The following GRID2 variants were observed in gnomAD, a reference collection of about 807,000 sequenced individuals.
GRID2 encodes the protein glutamate receptor ionotropic, delta-2.
A neutral mutation model predicts 114.8 loss-of-function variants in GRID2; 33 were observed. That is an observed-to-expected ratio of 0.29 (90% confidence interval 0.22 to 0.38). The LOEUF is 0.38. GRID2 is among the 10% of genes least tolerant of loss of function. GRID2 has a pLI of 1.00. For synonymous variants in GRID2, 505 were observed against 449.9 expected, an observed-to-expected ratio of 1.12 and a Z score of -1.55; for missense variants, 1,184 against 1,257.7, an observed-to-expected ratio of 0.94 and a Z score of 0.89.
intron 13 of GRID2, among the ~76,000 whole-genome samples, chr4:93,594,355 T>G (rs1218857181): frequency 6.6e-6 from 1 of 152,214 alleles, no homozygotes; most frequent in Non-Finnish European, 1.5e-5. Context: ...TGCCTCCCAG[T>G]TAGGCTGCTC....
At chr4:93,324,764 G>A (rs1757641166) in intron 8 of GRID2, among the ~76,000 whole-genome samples, 2 of 152,022 alleles carry the variant, frequency 1.3e-5, no homozygotes, top group Non-Finnish European at 2.9e-5. Flanking sequence ...TTTAGTCTTG[G>A]GAGGGTGTAT....
At chr4:93,084,559 T>C (rs1730164344) in intron 2 of GRID2, among the ~76,000 whole-genome samples, 2 of 152,236 alleles carry the variant, frequency 1.3e-5, no homozygotes, top group East Asian at 1.9e-4. Context: ...TTACATATTA[T>C]CTACTTTTTG....
At chr4:92,829,852 T>G (rs1009467004) in intron 2 of GRID2, among the ~76,000 whole-genome samples, 1 of 152,082 alleles carries the variant, frequency 6.6e-6, no homozygotes, top group Non-Finnish European at 1.5e-5. Context: ...AAACGCCACA[T>G]GTTCTCACTG....
In GRID2 at chr4:93,455,457, ACT is replaced by A. The variant is rs527914147; in HGVS notation, c.1546-202_1546-201del. ...TAATATGAACAAGGTAATTTGTCTG[ACT>A]CTGGTGGGGCAAGATTTTCAGTAAG... is the stretch of plus-strand genomic sequence containing the variant. On this transcript the variant is annotated intron_variant, in intron 10 of 15. Coordinates refer to ENST00000282020, the MANE Select transcript of GRID2 (RefSeq NM_001510.4). 8.0e-4 allele frequency among the ~76,000 whole-genome samples: 122 copies of A among 152,084 alleles called. 1 individual carries two copies. Among genetic ancestry groups the A allele is most frequent in the Non-Finnish European group, 1.3e-3 (87 of 67,986 alleles).
chr4:92,627,412 G>A (rs1383216154), intron 2 of GRID2, among the ~76,000 whole-genome samples: 1 of 151,998 alleles, frequency 6.6e-6, no homozygotes, highest in Non-Finnish European at 1.5e-5. Context: ...AAATGTAGGT[G>A]TATATGTTAT....
At chr4:93,156,988 C>A (rs758892095) in intron 4 of GRID2, among the ~76,000 whole-genome samples, 2 of 151,676 alleles carry the variant, frequency 1.3e-5, no homozygotes, top group Non-Finnish European at 3.0e-5. Flanking sequence ...TATAAAGTAG[C>A]CCCTGGTCAA....
At chr4:92,750,639 C>G in intron 2 of GRID2, among the ~76,000 whole-genome samples, 1 of 152,132 alleles carries the variant, frequency 6.6e-6, no homozygotes, top group Admixed American at 6.6e-5. Flanking sequence ...TAGCCTCCAG[C>G]CTGTATAATA....
intron 1 of GRID2, among the ~76,000 whole-genome samples, chr4:93,791,955 T>C (rs945159756): frequency 1.3e-5 from 2 of 152,238 alleles, no homozygotes; most frequent in South Asian, 4.1e-4. Flanking sequence ...CCCTTTAGGT[T>C]GTTTTAATGT....
At chr4:93,027,677 AT>A (rs1012216249) in intron 2 of GRID2, among the ~76,000 whole-genome samples, 1 of 152,252 alleles carries the variant, frequency 6.6e-6, no homozygotes, top group Admixed American at 6.5e-5. Context: ...ATTGATAAAC[AT>A]TTTTTAACTT....
intron 1 of GRID2, among the ~76,000 whole-genome samples, chr4:92,349,331 C>T (rs1012220571): frequency 2.2e-4 from 34 of 151,684 alleles, no homozygotes; most frequent in African/African-American, 5.8e-4. Context: ...TTGACTTGTC[C>T]GTTTTTAATG....
At chr4:92,864,565 A>G (rs1450631763) in intron 2 of GRID2, among the ~76,000 whole-genome samples, 1 of 152,180 alleles carries the variant, frequency 6.6e-6, no homozygotes, top group Admixed American at 6.5e-5. Flanking sequence ...GCAAAAGCAC[A>G]TTTATAGCAA....
intron 2 of GRID2, among the ~76,000 whole-genome samples, chr4:92,970,363 T>C (rs1753428890): frequency 6.6e-6 from 1 of 151,976 alleles, no homozygotes; most frequent in Non-Finnish European, 1.5e-5. Flanking sequence ...TGAATAAATA[T>C]CTGATTTATT....
At chr4:93,386,781 A>G (rs1449872278) in intron 8 of GRID2, among the ~76,000 whole-genome samples, 3 of 152,108 alleles carry the variant, frequency 2.0e-5, no homozygotes, top group Admixed American at 2.0e-4. Flanking sequence ...ACCAAGTACT[A>G]AGTCAGAATG....
At position 92,857,824 on chromosome 4, in the gene GRID2, G is replaced by T. The variant is rs1480062440; in HGVS notation, c.245-227171G>T. ...CTATCTAGGACTTTCATAAATCAAA[G>T]CCTGGCTTCAAACCTTCAAAGAACA... On this transcript the variant is annotated intron_variant, in intron 2 of 15. Coordinates refer to ENST00000282020, the MANE Select transcript of GRID2 (RefSeq NM_001510.4). Among the ~76,000 whole-genome samples, 5 of 152,110 alleles carry T rather than the reference G, an allele frequency of 3.3e-5. No homozygotes were observed. In the East Asian group the frequency reaches 9.6e-4, roughly 29 times the overall value.
intron 2 of GRID2, among the ~76,000 whole-genome samples, chr4:92,994,709 C>T (rs1036653221): frequency 6.6e-6 from 1 of 152,048 alleles, no homozygotes; most frequent in African/African-American, 2.4e-5. Context: ...AACTGGGACC[C>T]CAAATTGATC....
chr4:93,763,241 G>C (rs974286832), intron 14 of GRID2, among the ~76,000 whole-genome samples: 1 of 152,122 alleles, frequency 6.6e-6, no homozygotes, highest in African/African-American at 2.4e-5. Flanking sequence ...AGGGAAAAGA[G>C]AAGAAATGGG....
intron 13 of GRID2, among the ~76,000 whole-genome samples, chr4:93,608,127 T>C (rs1229427996): frequency 6.7e-6 from 1 of 149,634 alleles, no homozygotes; most frequent in Non-Finnish European, 1.5e-5. Flanking sequence ...TATATGTGTA[T>C]ATATATACGT....
At chr4:92,756,792 A>C (rs576876284) in intron 2 of GRID2, among the ~76,000 whole-genome samples, 32 of 151,802 alleles carry the variant, frequency 2.1e-4, no homozygotes, top group Admixed American at 6.6e-4. Context: ...TCTTTTGCGC[A>C]CTTTTTAATG....
intron 2 of GRID2, among the ~76,000 whole-genome samples, chr4:92,621,513 C>G (rs935109758): frequency 3.3e-5 from 5 of 151,608 alleles, no homozygotes; most frequent in African/African-American, 1.2e-4. Context: ...TATAAAAACT[C>G]CATAGATGAA....
Sources: gnomAD v4.1 joint callset for allele counts (sites outside exome capture counted in the v4.1 genomes callset) on GRCh38, gnomAD v4.1.1 for gene constraint, MANE v1.5 for transcripts, NCBI Gene and HGNC (gene_info 2026-07-23, HGNC 2026-07-21) for gene names.